FAM81A: variants seen among roughly 807,000 people sequenced by gnomAD.
The protein encoded by FAM81A is family with sequence similarity 81 member A, also known as protein FAM81A.
Under a neutral mutation model 46.7 loss-of-function variants are expected in FAM81A, and 19 were observed. The observed-to-expected ratio is 0.41, with a 90% CI of 0.28 to 0.60. The LOEUF (loss-of-function observed/expected upper bound fraction) is 0.60, where lower values mean the gene tolerates loss of function less well. Ranked by LOEUF, FAM81A falls within the 20% of genes least tolerant of loss-of-function variation. FAM81A has a pLI of 0.34. For missense variants in FAM81A, 377 were observed against 453.5 expected (o/e 0.83, Z 1.53); for synonymous variants, 183 against 152.9 (o/e 1.20, Z -1.45).
chr15:59,432,230 G>C (rs1168602019), intron 2 of FAM81A, among the ~76,000 whole-genome samples: 1 of 152,186 alleles, frequency 6.6e-6, no homozygotes, highest in Non-Finnish European at 1.5e-5. Context: ...GTTTGGCTCT[G>C]TGTATTTTAA....
intron 3 of FAM81A, among the ~76,000 whole-genome samples, chr15:59,472,844 A>C (rs1364479698): frequency 6.6e-6 from 1 of 152,168 alleles, no homozygotes; most frequent in Non-Finnish European, 1.5e-5. Flanking sequence ...GGAACGTAGA[A>C]AGTTTACAAA....
At chr15:59,452,140 C>CA (rs1423262626) in intron 1 of FAM81A, among the ~76,000 whole-genome samples, 1 of 152,218 alleles carries the variant, frequency 6.6e-6, no homozygotes. Flanking sequence ...ATTTCGTTGT[C>CA]AAAGTCTCAT....
intron 3 of FAM81A, among the ~76,000 whole-genome samples, chr15:59,479,997 C>G (rs893313597): frequency 6.6e-6 from 1 of 152,092 alleles, no homozygotes; most frequent in East Asian, 1.9e-4. Context: ...AGAATTGAAG[C>G]AGGGAGTCAA....
intron 3 of FAM81A, among the ~76,000 whole-genome samples, chr15:59,486,752 AC>A (rs1209003928): frequency 1.3e-5 from 2 of 152,156 alleles, no homozygotes; most frequent in African/African-American, 2.4e-5. Context: ...GGAAAAAAAA[AC>A]TTAGCATAAA....
At chr15:59,435,661 T>C (rs1342271394), upstream of FAM81A, among the ~76,000 whole-genome samples, 1 of 152,182 alleles carries the variant, frequency 6.6e-6, no homozygotes, top group Non-Finnish European at 1.5e-5. Context: ...GTGTCTAGCA[T>C]AATATACTGA....
In FAM81A at chr15:59,522,515, G is replaced by A. The variant is rs1428192159; in HGVS notation, c.*1137G>A. ...AAATTGATATTGCATTTATAGCACT[G>A]TAAGAAACTTTCATCTTGAGCAACT... On this transcript the variant is annotated 3_prime_UTR_variant, in exon 9 of 9. Coordinates refer to ENST00000288228, the MANE Select transcript of FAM81A (RefSeq NM_152450.3). 1 of 152,256 alleles carries A rather than the reference G, an allele frequency of 6.6e-6. No homozygotes were observed. Among genetic ancestry groups the A allele is most frequent in the Non-Finnish European group, 1.5e-5 (1 of 68,028 alleles). 9.4% of individuals were successfully genotyped at this position (152,256 alleles called of 1,614,324 possible).
At chr15:59,465,492 C>T (rs1255272602) in intron 3 of FAM81A, among the ~76,000 whole-genome samples, 3 of 152,104 alleles carry the variant, frequency 2.0e-5, no homozygotes, top group Non-Finnish European at 4.4e-5. Flanking sequence ...AGGCTGGTCT[C>T]CAACTCCTGA....
At chr15:59,492,874 G>A (rs1041095968) in intron 4 of FAM81A, among the ~76,000 whole-genome samples, 1 of 152,102 alleles carries the variant, frequency 6.6e-6, no homozygotes, top group Admixed American at 6.6e-5. Context: ...AACAGCACCT[G>A]GGACCTTGTT....
At chr15:59,517,102 G>A (rs2082275649) in intron 8 of FAM81A, among the ~76,000 whole-genome samples, 2 of 152,032 alleles carry the variant, frequency 1.3e-5, no homozygotes, top group Non-Finnish European at 2.9e-5. Flanking sequence ...ATTTTCTTCA[G>A]CACCATCGGC....
At chr15:59,495,287 C>T (rs1240354737) in intron 4 of FAM81A, among the ~76,000 whole-genome samples, 1 of 152,156 alleles carries the variant, frequency 6.6e-6, no homozygotes, top group South Asian at 2.1e-4. Flanking sequence ...GAATGTGTTC[C>T]CTTGATTCTG....
At chr15:59,485,609 A>G (rs1344502404) in intron 3 of FAM81A, among the ~76,000 whole-genome samples, 1 of 152,194 alleles carries the variant, frequency 6.6e-6, no homozygotes, top group Non-Finnish European at 1.5e-5. Context: ...GAAAACTTAG[A>G]TTACTTAACA....
At chr15:59,476,136 C>T (rs1031585966) in intron 3 of FAM81A, among the ~76,000 whole-genome samples, 9 of 152,100 alleles carry the variant, frequency 5.9e-5, no homozygotes, top group African/African-American at 2.2e-4. Context: ...TAATCCCATT[C>T]GTGAAGATTC....
At chr15:59,518,777 CTTT>C (rs560881477) in intron 8 of FAM81A, among the ~76,000 whole-genome samples, 1 of 150,460 alleles carries the variant, frequency 6.6e-6, no homozygotes, top group Non-Finnish European at 1.5e-5. Flanking sequence ...AGTCTAGTGT[CTTT>C]TTTTTTCTAA....
intron 2 of FAM81A, 72 bp downstream of exon 2, chr15:59,458,718 C>T (rs772248278): frequency 1.4e-5 from 20 of 1,415,492 alleles, no homozygotes; most frequent in Non-Finnish European, 2.0e-5. Flanking sequence ...AAAGCTTGGG[C>T]TGTTACATTA....
intron 6 of FAM81A, 40 bp downstream of exon 6, chr15:59,509,009 CTTTATGAG>C: frequency 2.7e-6 from 4 of 1,502,452 alleles, no homozygotes; most frequent in Non-Finnish European, 3.6e-6. Context: ...ACTTAAAGTT[CTTTATGAG>C]TTTATGCAAT....
chr15:59,494,069 T>C (rs1210865086), intron 4 of FAM81A, among the ~76,000 whole-genome samples: 1 of 152,178 alleles, frequency 6.6e-6, no homozygotes, highest in East Asian at 1.9e-4. Flanking sequence ...ATTCCAGATA[T>C]GTTACCTGTC....
chr15:59,473,674 G>A (rs1487356455), intron 3 of FAM81A, among the ~76,000 whole-genome samples: 2 of 152,092 alleles, frequency 1.3e-5, no homozygotes, highest in East Asian at 1.9e-4. Context: ...TGACATTACC[G>A]TCCCCTCCAG....
At chr15:59,473,587 C>T (rs1450613378) in intron 3 of FAM81A, among the ~76,000 whole-genome samples, 1 of 152,172 alleles carries the variant, frequency 6.6e-6, no homozygotes, top group East Asian at 1.9e-4. Flanking sequence ...ATACCCAGCA[C>T]TTTCCTGTGG....
intron 2 of FAM81A, among the ~76,000 whole-genome samples, chr15:59,423,093 T>C (rs1286747462): frequency 6.6e-6 from 1 of 152,148 alleles, no homozygotes; most frequent in Non-Finnish European, 1.5e-5. Flanking sequence ...TTATTATTTT[T>C]TATTTTTTAA....
Sources: gnomAD v4.1 joint callset for allele counts (sites outside exome capture counted in the v4.1 genomes callset) on GRCh38, gnomAD v4.1.1 for gene constraint, MANE v1.5 for transcripts, NCBI Gene and HGNC (gene_info 2026-07-23, HGNC 2026-07-21) for gene names.